The following DCP1A variants were observed in gnomAD, a reference collection of about 807,000 sequenced individuals.
The protein encoded by DCP1A is mRNA-decapping enzyme 1A.
Under a neutral mutation model 58.0 loss-of-function variants are expected in DCP1A, and 20 were observed. That is an observed-to-expected ratio of 0.34 (90% CI 0.24 to 0.50). The LOEUF (loss-of-function observed/expected upper bound fraction) is 0.50, where lower values mean the gene tolerates loss of function less well. DCP1A is among the 20% of genes least tolerant of loss of function. The pLI is 0.98. For missense variants in DCP1A, 613 were observed against 712.2 expected (o/e 0.86, Z 1.59); for synonymous variants, 285 against 275.1 (o/e 1.04, Z -0.36).
chr3:53,310,352 C>T (rs1328419458), intron 5 of DCP1A, among the ~76,000 whole-genome samples: 1 of 152,218 alleles, frequency 6.6e-6, no homozygotes, highest in East Asian at 1.9e-4. Context: ...GTGTTCAAAG[C>T]TAATGTCTTA....
In DCP1A at chr3:53,292,054, C is replaced by T. The variant is rs181600590; in HGVS notation, c.1383+15G>A. The T allele has an allele frequency of 3.1e-4, 498 of 1,595,528 alleles. 2 individuals carry two copies. In the African/African-American group the frequency reaches 4.6e-3, roughly 15 times the overall value. On this transcript the variant is annotated intron_variant, in intron 7 of 9. Transcript: ENST00000610213. ...CAGTTACCCACTCTGCCCACCCCCA[C>T]CCTCCTGCCATTACCTGAAGGGGAG...
At position 53,345,018 on chromosome 3, in the gene DCP1A, C is replaced by T. The variant is rs557162313; in HGVS notation, c.136-76G>A. The T allele has an allele frequency of 6.2e-6, 7 of 1,126,156 alleles. No homozygotes were observed. In the East Asian group the frequency reaches 1.4e-4, roughly 23 times the overall value. The allele number at this position is 1,126,156 out of a possible 1,614,324, so 69.8% of individuals were successfully genotyped here. On this transcript the variant is annotated intron_variant, in intron 1 of 9. Transcript: ENST00000610213. Reference sequence around the variant, plus strand: ...AAATAGTCCCCATGGAGAAGTAATGCTTCACGTTTAAGATCAACTTGTTTC... The same window carrying T: ...AAATAGTCCCCATGGAGAAGTAATGTTTCACGTTTAAGATCAACTTGTTTC...
chr3:53,339,795 G>T (rs1384751502), intron 3 of DCP1A, among the ~76,000 whole-genome samples: 1 of 152,078 alleles, frequency 6.6e-6, no homozygotes, highest in Non-Finnish European at 1.5e-5. Context: ...TTTCCCTACT[G>T]ACTACTTTAA....
Position 53,292,039 on chromosome 3 carries a change from C to T in DCP1A, c.1383+30G>A, listed in dbSNP as rs782046290. 63 of 1,579,342 alleles carry T rather than the reference C, an allele frequency of 4.0e-5. No homozygotes were observed. The Admixed American group carries it at 9.8e-4, about 25-fold the overall frequency. On this transcript the variant is annotated intron_variant, in intron 7 of 9. Coordinates refer to ENST00000610213, the MANE Select transcript of DCP1A (RefSeq NM_018403.7). ...CATCCCATCCAGTTACAGTTACCCA[C>T]TCTGCCCACCCCCACCCTCCTGCCA...
At chr3:53,309,887 C>T (rs1707593220) in intron 5 of DCP1A, among the ~76,000 whole-genome samples, 1 of 152,230 alleles carries the variant, frequency 6.6e-6, no homozygotes, top group Non-Finnish European at 1.5e-5. Context: ...TGAGGCCTAG[C>T]TTGCACCCCT....
Position 53,292,311 on chromosome 3 carries a change from C to T in DCP1A, c.1141G>A (p.Val381Met), listed in dbSNP as rs781937557. The change falls in exon 7 of 10, where the codon GTG becomes ATG. Residue 381 changes from valine to methionine, a missense_variant. Transcript: ENST00000610213. Reference protein sequence around the residue: ...NQSPFRAPLNVTNTAGTSLPS... With the variant: ...NQSPFRAPLNMTNTAGTSLPS... ...AGGGATGTGCCAGCTGTGTTCGTCA[C>T]GTTCAATGGGGCCCTGAAGGGGCTC... 4.8e-5 allele frequency: 77 copies of T among 1,613,400 alleles called. No homozygotes were observed. Among genetic ancestry groups the T allele is most frequent in the South Asian group, 2.5e-4 (23 of 91,074 alleles).
At chr3:53,334,715 C>G (rs531817374) in intron 3 of DCP1A, among the ~76,000 whole-genome samples, 133 of 152,208 alleles carry the variant, frequency 8.7e-4, no homozygotes, top group African/African-American at 3.1e-3. Flanking sequence ...TACTGTGGAG[C>G]GTTTGGCTGT....
Position 53,292,793 on chromosome 3 carries a change from T to G in DCP1A, c.659A>C (p.Glu220Ala). The change falls in exon 7 of 10, where the codon GAA becomes GCA. Residue 220 changes from glutamate (E) to alanine (A), a missense_variant. Coordinates refer to ENST00000610213, the MANE Select transcript of DCP1A (RefSeq NM_018403.7). ...TGGCAAAGAGGTTCCAAATAACTCT[T>G]CTACCGTCAGATGCTTGTGTCCAGA... ...APSGHKHLTV[E>A]ELFGTSLPKE... is the part of the protein sequence containing the mutation. The G allele has an allele frequency of 6.2e-7, 1 of 1,610,974 alleles. No homozygotes were observed. The highest frequency in any genetic ancestry group is 8.5e-7 in the Non-Finnish European group (1 of 1,179,828).
At chr3:53,302,293 CAAAA>C (rs1248003612) in intron 6 of DCP1A, among the ~76,000 whole-genome samples, 10 of 152,048 alleles carry the variant, frequency 6.6e-5, no homozygotes, top group African/African-American at 2.4e-4. Context: ...TATCTCAAAA[CAAAA>C]AGTCTACTTA....
intron 4 of DCP1A, among the ~76,000 whole-genome samples, chr3:53,313,466 C>A (rs1322117515): frequency 1.3e-5 from 2 of 151,364 alleles, no homozygotes; most frequent in Non-Finnish European, 2.9e-5. Context: ...TTTAAGAACA[C>A]CCCCTTCTCC....
At chr3:53,290,677 T>A in intron 8 of DCP1A, 114 bp downstream of exon 8, 1 of 840,992 alleles carries the variant, frequency 1.2e-6, no homozygotes. Flanking sequence ...CACCTGACTG[T>A]TCACAGCCAG....
At chr3:53,307,195 C>T (rs1425469675) in intron 5 of DCP1A, among the ~76,000 whole-genome samples, 3 of 152,000 alleles carry the variant, frequency 2.0e-5, no homozygotes, top group Non-Finnish European at 2.9e-5. Flanking sequence ...GCAATCCACC[C>T]GCTTCAGCCT....
chr3:53,321,607 T>C (rs1433584747), intron 3 of DCP1A, among the ~76,000 whole-genome samples: 1 of 152,120 alleles, frequency 6.6e-6, no homozygotes, highest in Non-Finnish European at 1.5e-5. Context: ...TAATCCCAGC[T>C]ACTCAGGAAG....
rs1489715289 is a variant in DCP1A at position 53,292,839 on chromosome 3, A to C, written c.625-12T>G. ...CCAGATGGAGCAGACTGAAAAACAA[A>C]TGAAACCACCCAGTCAAAGAGGTCT... On this transcript the variant is annotated splice_polypyrimidine_tract_variant and intron_variant, in intron 6 of 9. Transcript: ENST00000610213. 6.3e-7 allele frequency: 1 copy of C among 1,593,280 alleles called. No homozygotes were observed. The highest frequency in any genetic ancestry group is 8.5e-7 in the Non-Finnish European group (1 of 1,174,602).
chr3:53,315,741 G>GTTTTTTTTTTTTTTTTTTTTTTTTT (rs1553689168), intron 4 of DCP1A, among the ~76,000 whole-genome samples: 1 of 75,648 alleles, frequency 1.3e-5, no homozygotes. Flanking sequence ...AAATCAGTTT[G>GTTTTTTTTTTTTTTTTTTTTTTTTT]TTGTTTTTTT....
At chr3:53,288,833 A>G (rs761157394) in intron 8 of DCP1A, among the ~76,000 whole-genome samples, 18 of 152,118 alleles carry the variant, frequency 1.2e-4, no homozygotes, top group Non-Finnish European at 1.9e-4. Flanking sequence ...CCTGGCCAAC[A>G]TGGTGAAACC....
chr3:53,338,087 T>C (rs775974662), intron 3 of DCP1A: 3 of 414,814 alleles, frequency 7.2e-6, no homozygotes, highest in African/African-American at 2.0e-5. Context: ...CTGTCACTTA[T>C]TACCTTTGCG....
At chr3:53,288,890 G>C (rs1280322316) in intron 8 of DCP1A, among the ~76,000 whole-genome samples, 4 of 152,058 alleles carry the variant, frequency 2.6e-5, no homozygotes. Flanking sequence ...GGTGGCGTGT[G>C]CCTGTAATCC....
rs781928933 is a variant in DCP1A, at chr3:53,292,149, T to G, written c.1303A>C (p.Ile435Leu). ...AGQLATPESF[I>L]EPPSKTAAAR... ...GCTGCTGTCTTAGAGGGAGGCTCTA[T>G]GAAGCTCTCAGGTGTGGCTAGCTGA... The change falls in exon 7 of 10, where the codon ATA becomes CTA. Residue 435 changes from isoleucine to leucine, a missense_variant. Ile to Leu is a conservative substitution (Grantham distance 5). This residue lies in a region of DCP1A where 498 missense variants were observed against 556.7 expected (regional missense o/e 0.89). Transcript: ENST00000610213. 1.9e-6 allele frequency: 3 copies of G among 1,613,780 alleles called. No homozygotes were observed. In the African/African-American group the frequency reaches 4.0e-5, roughly 22 times the overall value.
Sources: allele counts gnomAD v4.1 joint callset (sites outside exome capture counted in the v4.1 genomes callset), GRCh38; gene constraint gnomAD v4.1.1; regional missense constraint gnomAD v4.1.1; transcripts MANE v1.5; gene names NCBI Gene and HGNC (gene_info 2026-07-23, HGNC 2026-07-21).